NFKB1: variants seen among roughly 807,000 people sequenced by gnomAD.
NFKB1 encodes nuclear factor kappa B subunit 1.
A neutral mutation model predicts 105.1 loss-of-function variants in NFKB1; 9 were observed. The observed-to-expected ratio is 0.09, with a 90% confidence interval of 0.05 to 0.15. The LOEUF (loss-of-function observed/expected upper bound fraction) is 0.15, where lower values mean the gene tolerates loss of function less well. Ranked by LOEUF, NFKB1 falls within the 10% of genes least tolerant of loss-of-function variation. The pLI is 1.00. For missense variants in NFKB1, 830 were observed against 1,203.7 expected, an observed-to-expected ratio of 0.69 and a Z score of 4.59; for synonymous variants, 440 against 442.2, an observed-to-expected ratio of 1.00 and a Z score of 0.06.
chr4:102,578,776 A>G, intron 7 of NFKB1, 105 bp from the exon 8 acceptor site: 1 of 1,196,138 alleles, frequency 8.4e-7, no homozygotes. Flanking sequence ...AAGAGGAAAA[A>G]TGGGTTTTTA....
intron 1 of NFKB1, among the ~76,000 whole-genome samples, chr4:102,511,708 A>G (rs1481035822): frequency 6.6e-6 from 1 of 152,188 alleles, no homozygotes; most frequent in Admixed American, 6.5e-5. Flanking sequence ...GAGAAACTTT[A>G]TTTTTACATT....
rs754587356 is a variant in NFKB1 at position 102,510,981 on chromosome 4, T to A, written c.-8+9193T>A. 2.9e-5 allele frequency: 37 copies of A among 1,278,766 alleles called. 1 individual carries two copies. Among genetic ancestry groups the A allele is most frequent in the Non-Finnish European group, 3.7e-5 (36 of 982,542 alleles). 79.2% of individuals were successfully genotyped at this position (1,278,766 alleles called of 1,614,324 possible). On this transcript the variant is annotated intron_variant, in intron 1 of 23. Coordinates refer to ENST00000226574, the MANE Select transcript of NFKB1 (RefSeq NM_003998.4). Reference sequence around the variant, plus strand: ...TAAAAAGAAAAAGAGTGTTAAAAAGTCAGCCTTTAAAAAGCAGGATTGGAG... The same window carrying A: ...TAAAAAGAAAAAGAGTGTTAAAAAGACAGCCTTTAAAAAGCAGGATTGGAG...
intron 20 of NFKB1, among the ~76,000 whole-genome samples, chr4:102,610,947 A>G (rs903654641): frequency 6.6e-6 from 1 of 152,246 alleles, no homozygotes; most frequent in African/African-American, 2.4e-5. Context: ...AAAAGGTTAG[A>G]AGAAAAACAC....
rs1377119117 is a variant in NFKB1 at position 102,565,087 on chromosome 4, TTTC to T, written c.259-1898_259-1896del. Among the ~76,000 whole-genome samples, 10 of 152,216 alleles carry T rather than the reference TTTC, an allele frequency of 6.6e-5. No individual in the cohort carries two copies. In the South Asian group the frequency reaches 1.7e-3, roughly 25 times the overall value. Reference sequence around the variant, plus strand: ...CCATCCCACATTTAAGGGCAAAGACTTTCTCCTTGTTAAAGGGAAAGCACTGAG... The same window carrying T: ...CCATCCCACATTTAAGGGCAAAGACTTCCTTGTTAAAGGGAAAGCACTGAG... On this transcript the variant is annotated intron_variant, in intron 5 of 23. Coordinates refer to ENST00000226574, the MANE Select transcript of NFKB1 (RefSeq NM_003998.4).
chr4:102,597,718 G>C, intron 15 of NFKB1, 57 bp downstream of exon 15: 1 of 1,552,890 alleles, frequency 6.4e-7, no homozygotes, highest in Admixed American at 1.8e-5. Context: ...GAAGAGCATC[G>C]TATAATGCAT....
At chr4:102,510,007 C>A (rs1466592387) in intron 1 of NFKB1, among the ~76,000 whole-genome samples, 3 of 152,148 alleles carry the variant, frequency 2.0e-5, no homozygotes, top group Non-Finnish European at 4.4e-5. Context: ...ATCTCAAATC[C>A]TCCACACCGA....
In NFKB1 at chr4:102,596,202, T is replaced by C. The variant is rs1425685411; in HGVS notation, c.1365T>C (p.Thr455=). 5.0e-6 allele frequency: 8 copies of C among 1,613,496 alleles called. No individual in the cohort carries two copies. The African/African-American group carries it at 5.3e-5, about 11-fold the overall frequency. ...EGCDKSDDKN[T]VNLFGKVIET... ...GTGACAAAAGTGATGACAAAAACAC[T>C]GTAAACCTCTTTGGGAAAGTTATTG... Residue 455 remains threonine (T), a synonymous_variant, in exon 14 of 24, where the codon ACT becomes ACC. Transcript: ENST00000226574.
chr4:102,539,236 C>CAAAAAA (rs550342036), intron 5 of NFKB1, among the ~76,000 whole-genome samples: 8 of 95,554 alleles, frequency 8.4e-5, no homozygotes, highest in East Asian at 3.3e-4. Context: ...GACTCTGTCT[C>CAAAAAA]AAAAAAAAAA....
At chr4:102,612,243 T>C in intron 21 of NFKB1, 133 bp downstream of exon 21, 1 of 962,620 alleles carries the variant, frequency 1.0e-6, no homozygotes, top group South Asian at 1.5e-5. Flanking sequence ...TGGAGGTAGA[T>C]AAGGAGAATA....
At chr4:102,582,205 C>T (rs1317000695) in intron 9 of NFKB1, among the ~76,000 whole-genome samples, 7 of 152,124 alleles carry the variant, frequency 4.6e-5, no homozygotes, top group Admixed American at 4.6e-4. Context: ...TCAATATGAA[C>T]TAAGAGACTA....
At chr4:102,598,178 T>C (rs4648074) in intron 15 of NFKB1, among the ~76,000 whole-genome samples, 87 of 152,338 alleles carry the variant, frequency 5.7e-4, no homozygotes, top group South Asian at 3.9e-3. Context: ...TTTCAGACTT[T>C]TGTGACTGCT....
intron 1 of NFKB1, among the ~76,000 whole-genome samples, chr4:102,503,940 G>A (rs2149091656): frequency 1.3e-5 from 2 of 152,274 alleles, no homozygotes; most frequent in Middle Eastern, 3.4e-3. Flanking sequence ...GCTCATTGTG[G>A]TAGATACGAG....
At chr4:102,546,094 A>G (rs1298250429) in intron 5 of NFKB1, among the ~76,000 whole-genome samples, 2 of 152,132 alleles carry the variant, frequency 1.3e-5, no homozygotes, top group Non-Finnish European at 2.9e-5. Flanking sequence ...TCTCTATAAA[A>G]AAAATTTTTT....
intron 5 of NFKB1, among the ~76,000 whole-genome samples, chr4:102,540,192 T>C (rs1041752232): frequency 6.6e-6 from 1 of 152,242 alleles, no homozygotes; most frequent in African/African-American, 2.4e-5. Context: ...GTATTTTGTT[T>C]ACTTCTATTG....
chr4:102,599,672 C>T (rs1726964724), intron 15 of NFKB1, among the ~76,000 whole-genome samples: 1 of 152,146 alleles, frequency 6.6e-6, no homozygotes, highest in Non-Finnish European at 1.5e-5. Context: ...GGCTTGAATC[C>T]CAGCTTCACC....
intron 3 of NFKB1, 144 bp from the exon 4 acceptor site, chr4:102,533,701 A>T (rs567160801): frequency 4.3e-6 from 3 of 701,644 alleles, no homozygotes; most frequent in Admixed American, 2.8e-5. Flanking sequence ...GAGAAATTAT[A>T]TCCTTGTGGA....
intron 1 of NFKB1, among the ~76,000 whole-genome samples, chr4:102,522,078 G>A (rs1740610492): frequency 6.6e-6 from 1 of 152,182 alleles, no homozygotes; most frequent in Admixed American, 6.6e-5. Context: ...AATTGAACAA[G>A]GGAAAGTGAG....
intron 6 of NFKB1, among the ~76,000 whole-genome samples, chr4:102,569,394 C>T (rs779571915): frequency 2.0e-5 from 3 of 151,956 alleles, no homozygotes; most frequent in African/African-American, 4.8e-5. Flanking sequence ...ACTAACATTA[C>T]GTAATATTAT....
rs746883206 is a variant in NFKB1, at chr4:102,613,520, G to T, written c.2688G>T (p.Val896=). The T allele has an allele frequency of 5.6e-6, 9 of 1,613,748 alleles. No individual in the cohort carries two copies. The East Asian group carries it at 2.0e-4, about 36-fold the overall frequency. ...TGATCCAGGCAGCCTCCAGCCCAGT[G>T]AAGACCACCTCTCAGGCCCACTCGC... is the stretch of plus-strand genomic sequence containing the variant. ...IEVIQAASSP[V]KTTSQAHSLP... is the part of the protein sequence containing the mutation. Residue 896 remains valine, a synonymous_variant, in exon 23 of 24, where the codon GTG becomes GTT. Coordinates refer to ENST00000226574, the MANE Select transcript of NFKB1 (RefSeq NM_003998.4).
Sources: allele counts gnomAD v4.1 joint callset (sites outside exome capture counted in the v4.1 genomes callset), GRCh38; gene constraint gnomAD v4.1.1; transcripts MANE v1.5; gene names NCBI Gene and HGNC (gene_info 2026-07-23, HGNC 2026-07-21).